CTNND2: variants seen among roughly 807,000 people sequenced by gnomAD.
CTNND2 encodes the protein catenin delta-2.
CTNND2 carries 22 observed loss-of-function variants against 144.4 expected under a neutral mutation model. The observed-to-expected ratio is 0.15, with a 90% CI of 0.11 to 0.22. CTNND2 has a LOEUF of 0.22. Ranked by LOEUF, CTNND2 falls within the 10% of genes least tolerant of loss-of-function variation. The pLI, the probability that CTNND2 is intolerant of heterozygous loss-of-function variation, is 1.00. For synonymous variants in CTNND2, 751 were observed against 695.6 expected (o/e 1.08, Z -1.25); for missense variants, 1,353 against 1,618.8 (o/e 0.84, Z 2.82).
intron 2 of CTNND2, among the ~76,000 whole-genome samples, chr5:11,594,495 C>T (rs1779411470): frequency 6.6e-6 from 1 of 152,122 alleles, no homozygotes; most frequent in Non-Finnish European, 1.5e-5. Context: ...AAATCAATTT[C>T]AAAGGTTTCT....
intron 11 of CTNND2, among the ~76,000 whole-genome samples, chr5:11,180,225 G>GCT (rs140985582): frequency 7.4e-4 from 112 of 151,148 alleles, no homozygotes; most frequent in African/African-American, 2.0e-3. Context: ...CCCCCGCATC[G>GCT]CTCTCTCTCT....
chr5:11,470,824 G>A (rs916786270), intron 3 of CTNND2, among the ~76,000 whole-genome samples: 1 of 151,624 alleles, frequency 6.6e-6, no homozygotes, highest in South Asian at 2.1e-4. Context: ...ATTAAACTGG[G>A]ATGATAGGAT....
At chr5:11,733,358 C>G (rs1309127273) in intron 1 of CTNND2, among the ~76,000 whole-genome samples, 3 of 152,046 alleles carry the variant, frequency 2.0e-5, no homozygotes, top group Admixed American at 1.3e-4. Context: ...AGTGTCAGAA[C>G]TGAATTAGAG....
chr5:11,111,077 G>C, intron 13 of CTNND2, 34 bp from the exon 14 acceptor site: 1 of 1,597,852 alleles, frequency 6.3e-7, no homozygotes, highest in South Asian at 1.1e-5. Flanking sequence ...GAAAGAATGA[G>C]TAAAACTAGC....
At chr5:11,354,662 A>T (rs1222882068) in intron 8 of CTNND2, among the ~76,000 whole-genome samples, 1 of 152,200 alleles carries the variant, frequency 6.6e-6, no homozygotes, top group Non-Finnish European at 1.5e-5. Context: ...ACAGTAGGGA[A>T]CTTCAACCCC....
chr5:11,605,729 C>T lies in CTNND2; in HGVS notation c.175-40673G>A, dbSNP rs116798130. On this transcript the variant is annotated intron_variant, in intron 2 of 21. Coordinates refer to ENST00000304623, the MANE Select transcript of CTNND2 (RefSeq NM_001332.4). ...GGAGTCTTTTGTAACTATGCAGGAA[C>T]GGTGGTCACTGGAAATCTGGTGGTA... is the stretch of plus-strand genomic sequence containing the variant. Among the ~76,000 whole-genome samples the T allele has an allele frequency of 1.0e-2, 1,515 of 152,016 alleles. 12 individuals are homozygous for T. Among genetic ancestry groups the T allele is most frequent in the East Asian group, 0.027 (137 of 5,154 alleles).
At chr5:11,180,000 G>T (rs1760844730) in intron 11 of CTNND2, among the ~76,000 whole-genome samples, 1 of 152,200 alleles carries the variant, frequency 6.6e-6, no homozygotes, top group South Asian at 2.1e-4. Flanking sequence ...GATCGCTGAG[G>T]CTAGAGCACT....
intron 3 of CTNND2, among the ~76,000 whole-genome samples, chr5:11,536,694 G>A (rs1774244713): frequency 6.6e-6 from 1 of 151,826 alleles, no homozygotes. Context: ...AAAGGCATAA[G>A]AATAATACAT....
At chr5:11,279,244 T>C (rs765992022) in intron 9 of CTNND2, among the ~76,000 whole-genome samples, 4 of 152,258 alleles carry the variant, frequency 2.6e-5, no homozygotes, top group Middle Eastern at 3.4e-3. Flanking sequence ...TAAGAGACAT[T>C]TGAAACCAAA....
intron 9 of CTNND2, among the ~76,000 whole-genome samples, chr5:11,261,301 G>A (rs769299002): frequency 7.2e-5 from 11 of 152,184 alleles, no homozygotes; most frequent in Admixed American, 6.5e-5. Context: ...CCCAAGACAA[G>A]GGGCATGGGC....
intron 9 of CTNND2, among the ~76,000 whole-genome samples, chr5:11,250,491 C>CTCTATATATATATATA (rs869141186): frequency 4.1e-4 from 26 of 64,102 alleles, no homozygotes; most frequent in African/African-American, 1.0e-3. Context: ...CTCTCTCTCT[C>CTCTATATATATATATA]TATATATATA....
At chr5:11,192,089 A>G (rs960274554) in intron 11 of CTNND2, among the ~76,000 whole-genome samples, 1 of 152,158 alleles carries the variant, frequency 6.6e-6, no homozygotes, top group African/African-American at 2.4e-5. Context: ...GCACCTGGAG[A>G]CAGGCGCTGC....
intron 3 of CTNND2, among the ~76,000 whole-genome samples, chr5:11,529,750 A>G (rs1220695846): frequency 6.6e-6 from 1 of 152,150 alleles, no homozygotes; most frequent in South Asian, 2.1e-4. Context: ...ACATTTTCAT[A>G]AAAAAGGGCT....
chr5:11,686,587 C>T (rs1784653654), intron 2 of CTNND2, among the ~76,000 whole-genome samples: 1 of 152,144 alleles, frequency 6.6e-6, no homozygotes, highest in South Asian at 2.1e-4. Context: ...TCAGTAGTCA[C>T]TACCTTAGGC....
chr5:11,398,362 T>G (rs1026883660), intron 5 of CTNND2, among the ~76,000 whole-genome samples: 2 of 152,206 alleles, frequency 1.3e-5, no homozygotes, highest in African/African-American at 2.4e-5. Flanking sequence ...GGATCACCTT[T>G]CATAAAAATA....
intron 10 of CTNND2, among the ~76,000 whole-genome samples, chr5:11,203,372 T>C (rs1737697209): frequency 2.0e-5 from 3 of 152,220 alleles, no homozygotes; most frequent in South Asian, 2.1e-4. Flanking sequence ...CATATGATCA[T>C]TGCAGGTCAG....
intron 1 of CTNND2, among the ~76,000 whole-genome samples, chr5:11,787,248 A>G (rs1790884904): frequency 6.6e-6 from 1 of 152,232 alleles, no homozygotes; most frequent in African/African-American, 2.4e-5. Flanking sequence ...ACTGTTACGC[A>G]TGTGCACAAC....
intron 3 of CTNND2, among the ~76,000 whole-genome samples, chr5:11,545,639 G>T (rs1407704548): frequency 7.7e-6 from 1 of 129,494 alleles, no homozygotes; most frequent in African/African-American, 2.9e-5. Context: ...CTCCAGCCTT[G>T]GTGACAGAGC....
chr5:11,726,693 C>A (rs1787041755), intron 2 of CTNND2, among the ~76,000 whole-genome samples: 1 of 152,116 alleles, frequency 6.6e-6, no homozygotes, highest in African/African-American at 2.4e-5. Context: ...TGTTACAAAA[C>A]CCCACATACT....
Sources: allele counts gnomAD v4.1 joint callset (sites outside exome capture counted in the v4.1 genomes callset), GRCh38; gene constraint gnomAD v4.1.1; transcripts MANE v1.5; gene names NCBI Gene and HGNC (gene_info 2026-07-23, HGNC 2026-07-21).